The following DOCK1 variants were observed in gnomAD, a reference collection of about 807,000 sequenced individuals.
DOCK1 encodes the protein dedicator of cytokinesis 1.
DOCK1 carries 138 observed loss-of-function variants against 262.7 expected under a neutral mutation model. The ratio of observed to expected loss-of-function variants is 0.53; its 90% CI spans 0.46 to 0.61. The LOEUF is 0.61. Ranked by LOEUF, DOCK1 falls within the 20% of genes least tolerant of loss-of-function variation. DOCK1 has a pLI of 0.00. For missense variants in DOCK1, 1,908 were observed against 2,370.7 expected (o/e 0.80, Z 4.05); for synonymous variants, 866 against 867.4 (o/e 1.00, Z 0.03).
chr10:127,003,555 C>G (rs537901807), intron 10 of DOCK1, among the ~76,000 whole-genome samples: 1 of 152,274 alleles, frequency 6.6e-6, no homozygotes, highest in African/African-American at 2.4e-5. Flanking sequence ...GTGGGGATGT[C>G]CTGTTCATCC....
chr10:126,935,508 C>G (rs996181283), intron 1 of DOCK1, among the ~76,000 whole-genome samples: 1 of 152,194 alleles, frequency 6.6e-6, no homozygotes, highest in Non-Finnish European at 1.5e-5. Flanking sequence ...GCTGCTGGGA[C>G]GTCCAGCCAG....
At chr10:127,050,092 G>C (rs757747060) in intron 21 of DOCK1, among the ~76,000 whole-genome samples, 4 of 150,144 alleles carry the variant, frequency 2.7e-5, no homozygotes, top group Non-Finnish European at 5.9e-5. Context: ...CTCAGAGGTT[G>C]GGCATTTGCA....
At chr10:127,381,497 A>G in intron 37 of DOCK1, 129 bp downstream of exon 37, 1 of 690,366 alleles carries the variant, frequency 1.4e-6, no homozygotes, top group Non-Finnish European at 2.2e-6. Context: ...GACTAAATAA[A>G]TGCAAGGATA....
intron 28 of DOCK1, 44 bp downstream of exon 28, chr10:127,248,153 C>A: frequency 6.5e-7 from 1 of 1,527,430 alleles, no homozygotes; most frequent in Non-Finnish European, 9.0e-7. Flanking sequence ...TGTTTTAGGG[C>A]CAGCACTTTA....
chr10:126,931,351 T>C (rs1408296205), intron 1 of DOCK1, among the ~76,000 whole-genome samples: 1 of 152,018 alleles, frequency 6.6e-6, no homozygotes, highest in African/African-American at 2.4e-5. Context: ...AGCTGTGAGG[T>C]TTGGAGGGGT....
chr10:127,145,902 C>T (rs776535760), intron 27 of DOCK1: 1 of 473,676 alleles, frequency 2.1e-6, no homozygotes, highest in East Asian at 5.9e-5. Flanking sequence ...GTCTAAACGT[C>T]AGCCTGTGCA....
chr10:127,396,959 C>G (rs184745057), intron 38 of DOCK1, among the ~76,000 whole-genome samples: 5 of 113,218 alleles, frequency 4.4e-5, no homozygotes, highest in South Asian at 6.0e-4. Flanking sequence ...ATGAGTTACA[C>G]GGGCAGCGTC....
At chr10:127,444,854 C>T (rs887791115) in intron 50 of DOCK1, among the ~76,000 whole-genome samples, 12 of 151,912 alleles carry the variant, frequency 7.9e-5, no homozygotes, top group African/African-American at 2.7e-4. Context: ...CCCGGGCCTC[C>T]CTCCAGCTTC....
At chr10:127,349,077 G>T (rs1285065625) in intron 31 of DOCK1, among the ~76,000 whole-genome samples, 2 of 151,982 alleles carry the variant, frequency 1.3e-5, no homozygotes, top group Non-Finnish European at 2.9e-5. Context: ...TGTTTTTGAT[G>T]TCCCACCCCC....
chr10:127,032,340 C>A lies in DOCK1; in HGVS notation c.1912+20C>A. On this transcript the variant is annotated intron_variant, in intron 18 of 51. Coordinates refer to ENST00000623213, the MANE Select transcript of DOCK1 (RefSeq NM_001290223.2). ...AGAACGGTGCGTTCGAGAGGAGAAA[C>A]ACACTCACCCCAGGAGCTCTGCCCC... 9 of 1,493,322 alleles carry A rather than the reference C, an allele frequency of 6.0e-6. No individual in the cohort carries two copies. Among genetic ancestry groups the A allele is most frequent in the Non-Finnish European group, 8.0e-6 (9 of 1,125,546 alleles). The allele number at this position is 1,493,322 out of a possible 1,614,324, so 92.5% of individuals were successfully genotyped here.
intron 27 of DOCK1, among the ~76,000 whole-genome samples, chr10:127,202,455 G>A (rs2057513994): frequency 6.6e-6 from 1 of 152,170 alleles, no homozygotes; most frequent in Non-Finnish European, 1.5e-5. Context: ...CGGTGCACAG[G>A]AGGCTTTTCT....
At chr10:127,344,153 G>A (rs751008) in intron 31 of DOCK1, 64,579 of 158,070 alleles carry the variant, frequency 0.41, 13,991 homozygotes, top group Middle Eastern at 0.54. Flanking sequence ...TAGAGCTATC[G>A]GGGTTCCTTC....
chr10:127,441,293 G>GC (rs1392046527), intron 49 of DOCK1, among the ~76,000 whole-genome samples: 1 of 152,166 alleles, frequency 6.6e-6, no homozygotes, highest in Non-Finnish European at 1.5e-5. Flanking sequence ...AGGGCTAGGG[G>GC]CAGCCCCACG....
intron 29 of DOCK1, among the ~76,000 whole-genome samples, chr10:127,338,375 TAG>T (rs2063289058): frequency 6.6e-6 from 1 of 152,256 alleles, no homozygotes; most frequent in Admixed American, 6.5e-5. Context: ...CATGGTATTA[TAG>T]AGTGTTAAAA....
chr10:126,939,640 C>G (rs1428974221), intron 1 of DOCK1, among the ~76,000 whole-genome samples: 1 of 152,128 alleles, frequency 6.6e-6, no homozygotes, highest in African/African-American at 2.4e-5. Context: ...GGATTACAGG[C>G]GTGAGCCACC....
chr10:126,972,862 A>G (rs1273710001), intron 2 of DOCK1, among the ~76,000 whole-genome samples: 2 of 151,446 alleles, frequency 1.3e-5, no homozygotes, highest in African/African-American at 4.9e-5. Flanking sequence ...CTCTGCAAAA[A>G]CCAGCCCCAG....
At chr10:127,351,462 G>GT (rs977099261) in intron 31 of DOCK1, among the ~76,000 whole-genome samples, 2 of 152,206 alleles carry the variant, frequency 1.3e-5, no homozygotes, top group African/African-American at 4.8e-5. Flanking sequence ...GTGTCGTGCT[G>GT]TGGAGGCATG....
intron 29 of DOCK1, among the ~76,000 whole-genome samples, chr10:127,279,001 A>G (rs1310569415): frequency 6.6e-6 from 1 of 152,242 alleles, no homozygotes; most frequent in Non-Finnish European, 1.5e-5. Flanking sequence ...TGCCATGAAC[A>G]GTCTGGGTTT....
intron 2 of DOCK1, among the ~76,000 whole-genome samples, chr10:126,976,865 C>A (rs1591508839): frequency 6.6e-6 from 1 of 152,220 alleles, no homozygotes. Context: ...TCCTGAGTAG[C>A]TGTGATCATA....
Sources: gnomAD v4.1 joint callset for allele counts (sites outside exome capture counted in the v4.1 genomes callset) on GRCh38, gnomAD v4.1.1 for gene constraint, MANE v1.5 for transcripts, NCBI Gene and HGNC (gene_info 2026-07-23, HGNC 2026-07-21) for gene names.